The following C4orf50 variants were observed in gnomAD, a reference collection of about 807,000 sequenced individuals.
C4orf50 encodes chromosome 4 open reading frame 50, also known as uncharacterized protein C4orf50.
A neutral mutation model predicts 77.2 loss-of-function variants in C4orf50; 80 were observed. The ratio of observed to expected loss-of-function variants is 1.04; its 90% CI spans 0.87 to 1.25. C4orf50 has a LOEUF of 1.25. Ranked by LOEUF, C4orf50 falls within the 50% of genes most tolerant of loss-of-function variation. The pLI, the probability that C4orf50 is intolerant of heterozygous loss-of-function variation, is 0.00. For missense variants in C4orf50, 1,257 were observed against 1,152.9 expected (o/e 1.09, Z -1.31); for synonymous variants, 532 against 465.3 (o/e 1.14, Z -1.84).
intron 7 of C4orf50, chr4:5,904,960 C>G (rs140022792): frequency 1.3e-5 from 2 of 152,086 alleles, no homozygotes; most frequent in African/African-American, 4.8e-5. Flanking sequence ...ATACCTAAGT[C>G]GAAGGAACTG....
chr4:6,016,107 T>C (rs1271664008), intron 23 of C4orf50, among the ~76,000 whole-genome samples: 1 of 152,216 alleles, frequency 6.6e-6, no homozygotes, highest in African/African-American at 2.4e-5. Context: ...CTTTCTTAAA[T>C]CTAAATTTGT....
At chr4:5,911,280 G>C (rs182133435) in intron 7 of C4orf50, among the ~76,000 whole-genome samples, 1 of 152,164 alleles carries the variant, frequency 6.6e-6, no homozygotes, top group Middle Eastern at 3.2e-3. Context: ...CCCACATCGA[G>C]TATCTGTGGT....
chr4:6,012,434 C>T (rs1320096202), intron 23 of C4orf50, among the ~76,000 whole-genome samples: 6 of 152,138 alleles, frequency 3.9e-5, no homozygotes, highest in African/African-American at 7.2e-5. Flanking sequence ...GTCTTACTTC[C>T]GGACTCAGCA....
In C4orf50 at chr4:5,991,092, C is replaced by T. The variant is rs542402627; in HGVS notation, c.1222-268G>A. Among the ~76,000 whole-genome samples the T allele has an allele frequency of 3.3e-4, 50 of 152,336 alleles. No individual in the cohort carries two copies. The South Asian group carries it at 9.1e-3, about 28-fold the overall frequency. ...TGCAAATGTGACTTCCTTGAAAAGG[C>T]CCTCCCTGACCGCTCTCCCTCACTC... On this transcript the variant is annotated intron_variant, in intron 27 of 33. Coordinates refer to ENST00000531445, the Ensembl canonical transcript of C4orf50.
At position 5,919,763 on chromosome 4, in the gene C4orf50, G is replaced by T. The variant is rs561111983; in HGVS notation, c.*2475-21575C>A. ...CTGAAACCGCTGCCATGGCAGACAA[G>T]AAAATGCTCTCTTGCTGAGCTCCCA... On this transcript the variant is annotated intron_variant, in intron 7 of 7. Transcript: ENST00000324058. The surrounding 1 kb of genome is among the most constrained non-coding windows in gnomAD (Gnocchi z 6.5). 1.3e-5 allele frequency among the ~76,000 whole-genome samples: 2 copies of T among 152,138 alleles called. No individual in the cohort carries two copies. The highest frequency in any genetic ancestry group is 2.9e-5 in the Non-Finnish European group (2 of 68,018).
chr4:5,975,121 C>CA (rs1720181573), intron 30 of C4orf50, among the ~76,000 whole-genome samples: 1 of 127,172 alleles, frequency 7.9e-6, no homozygotes, highest in Admixed American at 9.8e-5. Context: ...GCCTGGGCGA[C>CA]AGAGTGACAC....
rs1182316662 is a variant in C4orf50 at position 6,017,318 on chromosome 4, G to C, written c.287+827C>G. On this transcript the variant is annotated intron_variant, in intron 23 of 33. Transcript: ENST00000531445. This position sits in a 1 kb window ranked among gnomAD's most constrained non-coding sequence, Gnocchi z 4.7. ...GATGTTACCAGGGCAGGGCAGAGCAGCCAGGCCACCCAGCGGGAGCTGGGA... is the reference window on the plus strand; with the variant it reads ...GATGTTACCAGGGCAGGGCAGAGCACCCAGGCCACCCAGCGGGAGCTGGGA... Among the ~76,000 whole-genome samples, 3 of 152,236 alleles carry C rather than the reference G, an allele frequency of 2.0e-5. No homozygotes were observed. The highest frequency in any genetic ancestry group is 2.9e-5 in the Non-Finnish European group (2 of 68,046).
At chr4:5,973,980 C>T (rs1720103798) in intron 30 of C4orf50, 139 bp from the exon 9 acceptor site, 4 of 677,610 alleles carry the variant, frequency 5.9e-6, no homozygotes, top group Admixed American at 3.1e-5. Context: ...GCAGCCTCCT[C>T]CCTGCGAAGC....
chr4:5,971,339 T>C (rs1159174014), intron 31 of C4orf50, among the ~76,000 whole-genome samples: 1 of 152,234 alleles, frequency 6.6e-6, no homozygotes, highest in Non-Finnish European at 1.5e-5. Flanking sequence ...CCCACCCTGC[T>C]GTCCACTAGG....
intron 33 of C4orf50, among the ~76,000 whole-genome samples, chr4:5,961,951 A>G (rs2108764474): frequency 6.6e-6 from 1 of 152,258 alleles, no homozygotes; most frequent in African/African-American, 2.4e-5. Context: ...TTATTTAACA[A>G]GTTTGTTTTC....
At chr4:5,948,490 C>T (rs1050321323) in intron 7 of C4orf50, among the ~76,000 whole-genome samples, 2 of 152,036 alleles carry the variant, frequency 1.3e-5, no homozygotes, top group African/African-American at 4.8e-5. Flanking sequence ...CATGGTGAAA[C>T]CCCGCTTCTA....
intron 7 of C4orf50, among the ~76,000 whole-genome samples, chr4:5,928,347 T>TACACAC: frequency 7.5e-6 from 1 of 134,128 alleles, no homozygotes; most frequent in Non-Finnish European, 1.7e-5. Flanking sequence ...TCCCCTCTCA[T>TACACAC]ACACACACAC....
exon 34 of C4orf50, chr4:5,957,546 G>T (rs1198715250): frequency 6.6e-6 from 1 of 152,164 alleles, no homozygotes; most frequent in Non-Finnish European, 1.5e-5. Context: ...CCAATCTGGG[G>T]ATTCTTGAGG....
chr4:6,004,095 G>T (rs1577991686), intron 25 of C4orf50, among the ~76,000 whole-genome samples: 6 of 111,872 alleles, frequency 5.4e-5, no homozygotes, highest in South Asian at 3.1e-4. Flanking sequence ...AGTGATGATG[G>T]TGATGATGGT....
chr4:5,923,732 G>A (rs1181380243), intron 7 of C4orf50, among the ~76,000 whole-genome samples: 1 of 152,210 alleles, frequency 6.6e-6, no homozygotes, highest in Non-Finnish European at 1.5e-5. Flanking sequence ...CACACACATT[G>A]AGAGTTGTCA....
intron 25 of C4orf50, among the ~76,000 whole-genome samples, chr4:5,995,223 G>C (rs951574425): frequency 7.2e-5 from 11 of 152,000 alleles, no homozygotes; most frequent in African/African-American, 2.7e-4. Flanking sequence ...CCTGGAAGAA[G>C]GTACCCTTCC....
intron 25 of C4orf50, among the ~76,000 whole-genome samples, chr4:5,998,356 A>T (rs1721686878): frequency 6.6e-6 from 1 of 152,044 alleles, no homozygotes; most frequent in South Asian, 2.1e-4. Context: ...TTATTTTTCG[A>T]CATTATTGAC....
At chr4:5,961,730 T>C (rs1010252858) in intron 33 of C4orf50, among the ~76,000 whole-genome samples, 3 of 152,196 alleles carry the variant, frequency 2.0e-5, no homozygotes, top group Non-Finnish European at 4.4e-5. Context: ...AGGATGAGGC[T>C]AATGATATAG....
intron 7 of C4orf50, among the ~76,000 whole-genome samples, chr4:5,917,092 C>T (rs1427315230): frequency 6.6e-6 from 1 of 152,118 alleles, no homozygotes; most frequent in Non-Finnish European, 1.5e-5. Context: ...CCAGAGGCCC[C>T]CACATTTTTT....
Sources: allele counts gnomAD v4.1 joint callset (sites outside exome capture counted in the v4.1 genomes callset), GRCh38; gene constraint gnomAD v4.1.1; non-coding constraint Gnocchi (gnomAD v3.1); transcripts MANE v1.5; gene names NCBI Gene and HGNC (gene_info 2026-07-23, HGNC 2026-07-21).